GIPC2: variants seen among roughly 807,000 people sequenced by gnomAD.
GIPC2 encodes the protein GIPC PDZ domain containing family member 2, also known as PDZ domain-containing protein GIPC2.
A neutral mutation model predicts 30.6 loss-of-function variants in GIPC2; 30 were observed. The observed-to-expected ratio is 0.98, with a 90% CI of 0.73 to 1.33. The LOEUF is 1.33. Ranked by LOEUF, GIPC2 falls within the 40% of genes most tolerant of loss-of-function variation. The pLI is 0.00. For synonymous variants in GIPC2, 167 were observed against 150.0 expected (o/e 1.11, Z -0.83); for missense variants, 414 against 390.3 (o/e 1.06, Z -0.51).
chr1:78,128,443 A>G (rs569908674), intron 5 of GIPC2, among the ~76,000 whole-genome samples: 80 of 152,360 alleles, frequency 5.3e-4, no homozygotes, highest in African/African-American at 1.8e-3. Flanking sequence ...AGGAATAAAG[A>G]CAGACATACA....
intron 1 of GIPC2, among the ~76,000 whole-genome samples, chr1:78,073,656 A>G (rs1661663182): frequency 6.6e-6 from 1 of 152,232 alleles, no homozygotes. Flanking sequence ...TGTTTAAGGA[A>G]GGCATTCAAC....
chr1:78,109,676 T>C (rs1662425366), intron 3 of GIPC2, among the ~76,000 whole-genome samples: 1 of 152,218 alleles, frequency 6.6e-6, no homozygotes, highest in African/African-American at 2.4e-5. Flanking sequence ...GGCATTACCT[T>C]TGACTTACCC....
chr1:78,098,765 G>T (rs1265262705), intron 3 of GIPC2, among the ~76,000 whole-genome samples: 1 of 151,792 alleles, frequency 6.6e-6, no homozygotes. Context: ...AATCCAATAT[G>T]ACTGGTGTAC....
chr1:78,056,081 C>A (rs6669039), intron 1 of GIPC2, among the ~76,000 whole-genome samples: 37,633 of 152,026 alleles, frequency 0.25, 5,051 homozygotes, highest in East Asian at 0.51. Context: ...ATCCTCTAAA[C>A]TTCCATAACT....
chr1:78,109,307 A>G (rs1463284521), intron 3 of GIPC2, among the ~76,000 whole-genome samples: 1 of 152,228 alleles, frequency 6.6e-6, no homozygotes, highest in Non-Finnish European at 1.5e-5. Flanking sequence ...TGTGTCCCAT[A>G]TCTGAAGCTA....
At chr1:78,080,038 C>T (rs1661795280) in intron 1 of GIPC2, among the ~76,000 whole-genome samples, 1 of 151,888 alleles carries the variant, frequency 6.6e-6, no homozygotes, top group African/African-American at 2.4e-5. Flanking sequence ...CTTTAAAGTC[C>T]ATTTTAGTTC....
intron 3 of GIPC2, among the ~76,000 whole-genome samples, chr1:78,103,035 A>G (rs965770936): frequency 2.6e-5 from 4 of 152,224 alleles, no homozygotes; most frequent in Non-Finnish European, 5.9e-5. Context: ...GAAATCATTT[A>G]GTCCTTACAA....
chr1:78,127,184 A>G (rs1279805750), intron 5 of GIPC2, among the ~76,000 whole-genome samples: 1 of 152,198 alleles, frequency 6.6e-6, no homozygotes, highest in East Asian at 1.9e-4. Context: ...TTTGAAGCTC[A>G]TTTATCCTTT....
intron 1 of GIPC2, among the ~76,000 whole-genome samples, chr1:78,060,078 C>T (rs1661364528): frequency 6.6e-6 from 1 of 152,154 alleles, no homozygotes. Flanking sequence ...ATGGTGATAT[C>T]ACACAAATTC....
chr1:78,124,251 T>G (rs1038756126), intron 4 of GIPC2, among the ~76,000 whole-genome samples: 4 of 152,218 alleles, frequency 2.6e-5, no homozygotes, highest in Non-Finnish European at 4.4e-5. Flanking sequence ...AAATGTTTAG[T>G]AATCATTTCG....
intron 1 of GIPC2, among the ~76,000 whole-genome samples, chr1:78,066,909 G>T (rs1260753554): frequency 6.6e-6 from 1 of 152,162 alleles, no homozygotes; most frequent in African/African-American, 2.4e-5. Context: ...GGAGGGAGAA[G>T]ATCAGGGAGA....
At chr1:78,067,020 G>T (rs1424686534) in intron 1 of GIPC2, among the ~76,000 whole-genome samples, 1 of 152,076 alleles carries the variant, frequency 6.6e-6, no homozygotes, top group Non-Finnish European at 1.5e-5. Context: ...CATGTACCCC[G>T]AACTTTAAAT....
intron 3 of GIPC2, among the ~76,000 whole-genome samples, chr1:78,101,473 A>G (rs948784207): frequency 6.4e-4 from 98 of 152,324 alleles, no homozygotes; most frequent in African/African-American, 2.3e-3. Flanking sequence ...ACAAATAAAT[A>G]TGTGTATTTC....
intron 4 of GIPC2, among the ~76,000 whole-genome samples, chr1:78,123,124 G>GT (rs1662713781): frequency 6.6e-6 from 1 of 152,080 alleles, no homozygotes; most frequent in Admixed American, 6.5e-5. Context: ...GCTGGGCATG[G>GT]TGCTGGGCAC....
chr1:78,060,981 TAAGA>T (rs1251316404), intron 1 of GIPC2, among the ~76,000 whole-genome samples: 1 of 152,044 alleles, frequency 6.6e-6, no homozygotes, highest in Non-Finnish European at 1.5e-5. Flanking sequence ...GGAGTAGCCC[TAAGA>T]AAGAAATGCT....
At chr1:78,067,298 A>C (rs1214557970) in intron 1 of GIPC2, among the ~76,000 whole-genome samples, 1 of 152,148 alleles carries the variant, frequency 6.6e-6, no homozygotes, top group African/African-American at 2.4e-5. Flanking sequence ...TAAAATGTAC[A>C]ATGAATTACC....
At position 78,138,147 on chromosome 1, in the gene GIPC2, T is replaced by G. The variant is rs966553939; in HGVS notation, c.*2404T>G. On this transcript the variant is annotated 3_prime_UTR_variant, in exon 6 of 6. Transcript: ENST00000370759. Reference sequence around the variant, plus strand: ...GCAGAAAATGCAAATGATAATTGTATGTTGGGCTCGATGAGGCCTTGAACA... The same window carrying G: ...GCAGAAAATGCAAATGATAATTGTAGGTTGGGCTCGATGAGGCCTTGAACA... 1.3e-5 allele frequency: 2 copies of G among 152,200 alleles called. No individual in the cohort carries two copies. The highest frequency in any genetic ancestry group is 4.8e-5 in the African/African-American group (2 of 41,464). 9.4% of individuals were successfully genotyped at this position (152,200 alleles called of 1,614,324 possible).
chr1:78,083,489 G>A (rs1035767567), intron 2 of GIPC2, among the ~76,000 whole-genome samples: 10 of 152,124 alleles, frequency 6.6e-5, no homozygotes, highest in African/African-American at 2.2e-4. Flanking sequence ...TTTGTGATAC[G>A]TAATTGTGGA....
chr1:78,114,262 C>A lies in GIPC2; in HGVS notation c.608-5131C>A, dbSNP rs181555774. On this transcript the variant is annotated intron_variant, in intron 3 of 5. Transcript: ENST00000370759. ...CTGCATCCCTGTCATAGCTCAGCCCCAAGAGAAGCCTTGTGCAGATCCGTT... is the reference window on the plus strand; with the variant it reads ...CTGCATCCCTGTCATAGCTCAGCCCAAAGAGAAGCCTTGTGCAGATCCGTT... Among the ~76,000 whole-genome samples the A allele has an allele frequency of 1.2e-3, 188 of 152,300 alleles. 2 individuals are homozygous for A. Among genetic ancestry groups the A allele is most frequent in the South Asian group, 3.7e-3 (18 of 4,828 alleles).
Sources: allele counts gnomAD v4.1 joint callset (sites outside exome capture counted in the v4.1 genomes callset), GRCh38; gene constraint gnomAD v4.1.1; transcripts MANE v1.5; gene names NCBI Gene and HGNC (gene_info 2026-07-23, HGNC 2026-07-21).